KDM2B: variants seen among roughly 807,000 people sequenced by gnomAD.
The protein encoded by KDM2B is lysine-specific demethylase 2B.
A neutral mutation model predicts 150.0 loss-of-function variants in KDM2B; 26 were observed. The observed-to-expected ratio is 0.17, with a 90% CI of 0.13 to 0.24. The LOEUF (loss-of-function observed/expected upper bound fraction) is 0.24. Among genes scored for constraint, KDM2B ranks in the 10% least tolerant of loss-of-function variants. The probability of loss-of-function intolerance (pLI) is 1.00; values close to 1 mark genes in which losing one functional copy is unlikely to be tolerated. For missense variants in KDM2B, 1,265 were observed against 1,816.9 expected (o/e 0.70, Z 5.52); for synonymous variants, 734 against 729.5 (o/e 1.01, Z -0.10).
At chr12:121,438,625 A>C (rs1318465553) in intron 22 of KDM2B, among the ~76,000 whole-genome samples, 1 of 152,124 alleles carries the variant, frequency 6.6e-6, no homozygotes, top group East Asian at 1.9e-4. Context: ...CTTCATGAGG[A>C]GAAGGAATGG....
chr12:121,460,172 A>G (rs1878898729), intron 12 of KDM2B, among the ~76,000 whole-genome samples: 1 of 152,224 alleles, frequency 6.6e-6, no homozygotes, highest in Non-Finnish European at 1.5e-5. Context: ...CTGGCTGTGA[A>G]TTATGTATCT....
rs560178395 is a variant in KDM2B at position 121,521,422 on chromosome 12, G to A, written c.932-322C>T. Among the ~76,000 whole-genome samples the A allele has an allele frequency of 3.9e-5, 6 of 152,312 alleles. No homozygotes were observed. Among genetic ancestry groups the A allele is most frequent in the Admixed American group, 2.0e-4 (3 of 15,306 alleles). On this transcript the variant is annotated intron_variant, in intron 8 of 22. Transcript: ENST00000377071. This position sits in a 1 kb window ranked among gnomAD's most constrained non-coding sequence, Gnocchi z 4.9. ...GGACCTGGCTGCAATGGCCAGCAGAGAGGCAGGCCCTTTCTCCACCTCCAT... is the reference window on the plus strand; with the variant it reads ...GGACCTGGCTGCAATGGCCAGCAGAAAGGCAGGCCCTTTCTCCACCTCCAT...
intron 6 of KDM2B, among the ~76,000 whole-genome samples, chr12:121,548,528 C>T (rs1555311136): frequency 6.6e-6 from 1 of 152,204 alleles, no homozygotes; most frequent in African/African-American, 2.4e-5. Flanking sequence ...TCCCAGGACA[C>T]AATGTCTCAT....
At chr12:121,450,614 C>T (rs748066084) in intron 13 of KDM2B, among the ~76,000 whole-genome samples, 3 of 152,180 alleles carry the variant, frequency 2.0e-5, no homozygotes, top group African/African-American at 2.4e-5. Context: ...AATCCCAGCA[C>T]TTTGGGAGGC....
chr12:121,552,870 G>A (rs1889612087), intron 4 of KDM2B, among the ~76,000 whole-genome samples: 2 of 152,132 alleles, frequency 1.3e-5, no homozygotes, highest in South Asian at 2.1e-4. Flanking sequence ...TCCTTACCCA[G>A]GTGCCTGGAA....
At chr12:121,576,523 G>C (rs972199660) in intron 2 of KDM2B, among the ~76,000 whole-genome samples, 13 of 152,152 alleles carry the variant, frequency 8.5e-5, no homozygotes, top group African/African-American at 3.1e-4. Flanking sequence ...CGGGAGGGAG[G>C]CTCCCCAGGG....
At chr12:121,433,494 A>G (rs1445205423) in intron 22 of KDM2B, among the ~76,000 whole-genome samples, 4 of 152,234 alleles carry the variant, frequency 2.6e-5, no homozygotes, top group Admixed American at 2.0e-4. Context: ...AGCTGGGACT[A>G]TAGGTGTGTG....
chr12:121,424,991 C>G (rs1872442740), downstream of KDM2B, among the ~76,000 whole-genome samples: 2 of 152,174 alleles, frequency 1.3e-5, no homozygotes, highest in Non-Finnish European at 2.9e-5. Flanking sequence ...CAGAGTTGCT[C>G]TTAACCCTTC....
chr12:121,454,044 G>A (rs1877811270), intron 12 of KDM2B, among the ~76,000 whole-genome samples: 1 of 151,656 alleles, frequency 6.6e-6, no homozygotes, highest in African/African-American at 2.4e-5. Flanking sequence ...AAGCCACTTG[G>A]CTGATGCCCA....
chr12:121,479,338 G>GCGCC (rs1566317472), intron 12 of KDM2B, among the ~76,000 whole-genome samples: 2 of 151,408 alleles, frequency 1.3e-5, no homozygotes, highest in African/African-American at 4.9e-5. Context: ...ATGGTGGCGG[G>GCGCC]TGCCTGTAGT....
intron 4 of KDM2B, among the ~76,000 whole-genome samples, chr12:121,555,906 G>T (rs1260706393): frequency 6.6e-6 from 1 of 151,828 alleles, no homozygotes; most frequent in Non-Finnish European, 1.5e-5. Flanking sequence ...GACTGAATTG[G>T]GTTTTTGTTT....
intron 4 of KDM2B, among the ~76,000 whole-genome samples, chr12:121,565,108 C>T (rs1391134114): frequency 6.6e-6 from 1 of 152,120 alleles, no homozygotes; most frequent in Non-Finnish European, 1.5e-5. Context: ...GCTGGTATTA[C>T]AGGCTTAAGC....
chr12:121,530,010 T>C (rs1300071469), intron 8 of KDM2B, among the ~76,000 whole-genome samples: 2 of 150,462 alleles, frequency 1.3e-5, no homozygotes, highest in Non-Finnish European at 3.0e-5. Flanking sequence ...GGGCAGATCA[T>C]GAGGTCAGGA....
downstream of KDM2B, among the ~76,000 whole-genome samples, chr12:121,427,491 G>A (rs1872564455): frequency 6.6e-6 from 1 of 152,162 alleles, no homozygotes; most frequent in Non-Finnish European, 1.5e-5. Context: ...GCAGTGAGCT[G>A]AGATCATACC....
intron 22 of KDM2B, among the ~76,000 whole-genome samples, chr12:121,432,096 G>A (rs782344710): frequency 1.8e-4 from 27 of 151,888 alleles, no homozygotes; most frequent in South Asian, 1.0e-3. Context: ...TAGCCAGGCT[G>A]GTCTTGAACT....
At position 121,516,437 on chromosome 12, in the gene KDM2B, G is replaced by A. The variant is rs572495820; in HGVS notation, c.1048-3035C>T. On this transcript the variant is annotated intron_variant, in intron 9 of 22. Transcript: ENST00000377071. ...ATTTTTTTTTCCAAGAGAGGACTGC[G>A]GGAAACAAAAATTTGCAAAGAATTG... 70 of 1,276,472 alleles carry A rather than the reference G, an allele frequency of 5.5e-5. No homozygotes were observed. In the Middle Eastern group the frequency reaches 6.4e-4, roughly 12 times the overall value. 79.1% of individuals were successfully genotyped at this position (1,276,472 alleles called of 1,614,324 possible). A position where few individuals can be genotyped will look rare whatever the true frequency, so the allele number is the denominator to read the frequency against.
intron 8 of KDM2B, among the ~76,000 whole-genome samples, chr12:121,531,537 C>G (rs562754567): frequency 5.9e-5 from 9 of 152,212 alleles, no homozygotes; most frequent in Non-Finnish European, 1.0e-4. Flanking sequence ...TCATCCATAT[C>G]TACTTTCTAC....
chr12:121,410,108 C>A, the KDM2B span, among the ~76,000 whole-genome samples: 1 of 151,006 alleles, frequency 6.6e-6, no homozygotes, highest in South Asian at 2.1e-4. Flanking sequence ...GAGCCAAGAT[C>A]GTGCCATCGC....
chr12:121,432,486 C>T (rs559351422), intron 22 of KDM2B, among the ~76,000 whole-genome samples: 63 of 152,240 alleles, frequency 4.1e-4, no homozygotes, highest in South Asian at 1.2e-3. Context: ...GTGATCCTCC[C>T]CACCCAGCCT....
Sources: allele counts gnomAD v4.1 joint callset (sites outside exome capture counted in the v4.1 genomes callset), GRCh38; gene constraint gnomAD v4.1.1; non-coding constraint Gnocchi (gnomAD v3.1); transcripts MANE v1.5; gene names NCBI Gene and HGNC (gene_info 2026-07-23, HGNC 2026-07-21).